The following PPP2R5E variants were observed in gnomAD, a reference collection of about 807,000 sequenced individuals.
The protein encoded by PPP2R5E is protein phosphatase 2 regulatory subunit B'epsilon.
PPP2R5E carries 4 observed loss-of-function variants against 65.3 expected under a neutral mutation model. The observed-to-expected ratio is 0.06, with a 90% CI of 0.03 to 0.14. PPP2R5E has a LOEUF of 0.14. PPP2R5E is among the 10% of genes least tolerant of loss of function. The pLI is 1.00. For synonymous variants in PPP2R5E, 183 were observed against 187.4 expected, an observed-to-expected ratio of 0.98 and a Z score of 0.19; for missense variants, 274 against 556.1, an observed-to-expected ratio of 0.49 and a Z score of 5.10.
At chr14:63,540,436 A>C (rs1172295963) in intron 1 of PPP2R5E, among the ~76,000 whole-genome samples, 4 of 150,256 alleles carry the variant, frequency 2.7e-5, no homozygotes, top group Non-Finnish European at 5.9e-5. Flanking sequence ...ATCTCAAAAA[A>C]AAAAAAAAAA....
Position 63,421,994 on chromosome 14 carries a change from TG to T in PPP2R5E, c.454del (p.Gln152SerfsTer25). 6.2e-7 allele frequency: 1 copy of T among 1,601,508 alleles called. No homozygotes were observed. The highest frequency in any genetic ancestry group is 8.6e-7 in the Non-Finnish European group (1 of 1,168,524). On this transcript the variant is annotated frameshift_variant and splice_region_variant, in exon 4 of 14. Transcript: ENST00000337537. LOFTEE classifies it high-confidence loss of function. The stretch of plus-strand genomic sequence containing the variant: ...ATAACAAATGGTATTTCAAAGTACC[TG>T]TAAGTGTGGCCACGATGCCTCAAGG... ...PTLEASWPHL[Q>X]LVYEFFIRFL...
In PPP2R5E at chr14:63,524,646, CCATGACTGA is replaced by C. The variant is rs374986537; in HGVS notation, c.157+14874_157+14882del. 5.7e-3 allele frequency among the ~76,000 whole-genome samples: 865 copies of C among 152,322 alleles called. 4 individuals carry two copies. Among genetic ancestry groups the C allele is most frequent in the Non-Finnish European group, 7.0e-3 (477 of 68,032 alleles). ...GTTTACTGAACTGTTCCTTACTATTCCATGACTGACATGACTGACATGCCTTCACCAGGA... is the reference window on the plus strand; with the variant it reads ...GTTTACTGAACTGTTCCTTACTATTCCATGACTGACATGCCTTCACCAGGA... On this transcript the variant is annotated intron_variant, in intron 2 of 13. Coordinates refer to ENST00000337537, the MANE Select transcript of PPP2R5E (RefSeq NM_006246.5).
intron 4 of PPP2R5E, among the ~76,000 whole-genome samples, chr14:63,420,412 A>G (rs1164158137): frequency 6.6e-6 from 1 of 152,208 alleles, no homozygotes; most frequent in Non-Finnish European, 1.5e-5. Context: ...TAGTTTTACA[A>G]GTTTCTTAGA....
At chr14:63,470,822 T>A in intron 2 of PPP2R5E, among the ~76,000 whole-genome samples, 1 of 144,070 alleles carries the variant, frequency 6.9e-6, no homozygotes. Context: ...AAGACCTCCG[T>A]CTCTACAAAA....
At chr14:63,400,617 CA>C (rs941889315) in intron 5 of PPP2R5E, among the ~76,000 whole-genome samples, 3 of 135,024 alleles carry the variant, frequency 2.2e-5, no homozygotes, top group African/African-American at 8.2e-5. Context: ...TGGAGCCCAT[CA>C]GGGGAGGTAA....
chr14:63,393,907 T>C lies in PPP2R5E; in HGVS notation c.762A>G (p.Leu254=). ...ILGSIINGFA[L]PLKAEHKQFL... The stretch of plus-strand genomic sequence containing the variant: ...ACTGTTTGTGTTCTGCCTTAAGAGG[T>C]AAAGCAAAGCCATTGATAATACTAG... The change falls in exon 8 of 14, where the codon TTA becomes TTG. Residue 254 remains leucine, a synonymous_variant. Coordinates refer to ENST00000337537, the MANE Select transcript of PPP2R5E (RefSeq NM_006246.5). 6.2e-7 allele frequency: 1 copy of C among 1,608,836 alleles called. No individual in the cohort carries two copies. The highest frequency in any genetic ancestry group is 8.5e-7 in the Non-Finnish European group (1 of 1,175,488).
chr14:63,461,707 G>A (rs1170994096), intron 2 of PPP2R5E, among the ~76,000 whole-genome samples: 1 of 151,984 alleles, frequency 6.6e-6, no homozygotes, highest in East Asian at 1.9e-4. Flanking sequence ...GGGAGGCTGA[G>A]GTGGGAGGAT....
At chr14:63,398,734 G>A (rs1885555186) in intron 5 of PPP2R5E, among the ~76,000 whole-genome samples, 1 of 152,162 alleles carries the variant, frequency 6.6e-6, no homozygotes, top group South Asian at 2.1e-4. Context: ...AGTTTGCAGT[G>A]AGCCGAGATC....
intron 2 of PPP2R5E, among the ~76,000 whole-genome samples, chr14:63,454,194 T>C (rs1175077772): frequency 6.6e-6 from 1 of 152,200 alleles, no homozygotes; most frequent in Non-Finnish European, 1.5e-5. Context: ...CCAATGTCAA[T>C]ACCTTTAAAT....
intron 2 of PPP2R5E, among the ~76,000 whole-genome samples, chr14:63,474,792 A>G (rs1315433362): frequency 1.3e-5 from 2 of 152,110 alleles, no homozygotes; most frequent in South Asian, 2.1e-4. Flanking sequence ...ATGGTAATAT[A>G]TAAGTGGTCT....
chr14:63,499,543 G>A (rs942718313), intron 2 of PPP2R5E, among the ~76,000 whole-genome samples: 3 of 152,132 alleles, frequency 2.0e-5, no homozygotes, highest in African/African-American at 4.8e-5. Flanking sequence ...TGGCCAACAC[G>A]GCAAAACCCG....
At chr14:63,418,427 C>T (rs538371228) in intron 4 of PPP2R5E, among the ~76,000 whole-genome samples, 1 of 152,296 alleles carries the variant, frequency 6.6e-6, no homozygotes, top group South Asian at 2.1e-4. Flanking sequence ...TATTAATAAG[C>T]ATAAGTGTTC....
At chr14:63,376,770 T>C (rs535616033) in intron 13 of PPP2R5E, among the ~76,000 whole-genome samples, 6 of 152,342 alleles carry the variant, frequency 3.9e-5, no homozygotes, top group South Asian at 2.1e-4. Context: ...AAGTACATGA[T>C]GCAGGAATAT....
intron 13 of PPP2R5E, among the ~76,000 whole-genome samples, chr14:63,381,751 A>G (rs1034752341): frequency 2.6e-5 from 4 of 152,240 alleles, no homozygotes; most frequent in African/African-American, 9.6e-5. Flanking sequence ...TTGTGTTACA[A>G]TTGGCTACGG....
At chr14:63,470,693 G>A (rs1890074318) in intron 2 of PPP2R5E, among the ~76,000 whole-genome samples, 1 of 148,086 alleles carries the variant, frequency 6.8e-6, no homozygotes, top group African/African-American at 2.5e-5. Flanking sequence ...ACTTTCACAG[G>A]ATCATAAAAA....
At chr14:63,391,923 G>A (rs1885044991) in intron 9 of PPP2R5E, 49 bp downstream of exon 9, 1 of 1,605,228 alleles carries the variant, frequency 6.2e-7, no homozygotes, top group East Asian at 2.2e-5. Context: ...TATACTTCTG[G>A]GAAAGGTAAT....
At chr14:63,416,507 A>T (rs1886693463) in intron 4 of PPP2R5E, among the ~76,000 whole-genome samples, 1 of 152,096 alleles carries the variant, frequency 6.6e-6, no homozygotes, top group South Asian at 2.1e-4. Context: ...CATCATCACT[A>T]TTCCTAAAAT....
At chr14:63,525,377 T>C (rs1164755703) in intron 2 of PPP2R5E, among the ~76,000 whole-genome samples, 1 of 152,150 alleles carries the variant, frequency 6.6e-6, no homozygotes, top group Non-Finnish European at 1.5e-5. Flanking sequence ...CACACTACAG[T>C]CATGTAGTAA....
intron 13 of PPP2R5E, among the ~76,000 whole-genome samples, chr14:63,380,594 G>A (rs1036849413): frequency 2.6e-5 from 4 of 151,884 alleles, no homozygotes; most frequent in Non-Finnish European, 4.4e-5. Flanking sequence ...CCTGGGAGGC[G>A]GAGCTTGCAG....
Sources: allele counts gnomAD v4.1 joint callset (sites outside exome capture counted in the v4.1 genomes callset), GRCh38; gene constraint gnomAD v4.1.1; transcripts MANE v1.5; gene names NCBI Gene and HGNC (gene_info 2026-07-23, HGNC 2026-07-21).